ADAM22: variants seen among roughly 807,000 people sequenced by gnomAD.
ADAM22 encodes the protein ADAM metallopeptidase domain 22.
A neutral mutation model predicts 144.6 loss-of-function variants in ADAM22; 65 were observed. The ratio of observed to expected loss-of-function variants is 0.45; its 90% CI spans 0.37 to 0.55. The LOEUF is 0.55. Among genes scored for constraint, ADAM22 ranks in the 20% least tolerant of loss-of-function variants. ADAM22 has a pLI of 0.00. For synonymous variants in ADAM22, 391 were observed against 412.6 expected, an observed-to-expected ratio of 0.95 and a Z score of 0.63; for missense variants, 974 against 1,184.9, an observed-to-expected ratio of 0.82 and a Z score of 2.61.
At chr7:87,966,741 T>TTTTTTG (rs1849213466) in intron 2 of ADAM22, among the ~76,000 whole-genome samples, 1 of 138,834 alleles carries the variant, frequency 7.2e-6, no homozygotes, top group Non-Finnish European at 1.6e-5. Context: ...TTTTTTTTTT[T>TTTTTTG]TTTTTTTTTT....
intron 3 of ADAM22, among the ~76,000 whole-genome samples, chr7:88,013,063 C>T (rs971488649): frequency 2.6e-5 from 4 of 152,154 alleles, no homozygotes; most frequent in African/African-American, 9.7e-5. Context: ...ATGGGAACGC[C>T]CCCTAAGACT....
chr7:88,117,587 T>TTA (rs1828105092), intron 7 of ADAM22, among the ~76,000 whole-genome samples: 1 of 152,322 alleles, frequency 6.6e-6, no homozygotes, highest in South Asian at 2.1e-4. Flanking sequence ...CTGGACTCAT[T>TTA]TGTTTTCTTC....
In ADAM22 at chr7:88,153,210, T is replaced by G. The variant is rs773338871; in HGVS notation, c.1682-11T>G. 1 of 1,603,068 alleles carries G rather than the reference T, an allele frequency of 6.2e-7. No homozygotes were observed. Among genetic ancestry groups the G allele is most frequent in the Non-Finnish European group, 8.5e-7 (1 of 1,175,492 alleles). ...CTTCCCTCACTGATAGAAAATTTTT[T>G]TCTGCCTTAGAGGTGACAGCATCAG... On this transcript the variant is annotated splice_polypyrimidine_tract_variant and intron_variant, in intron 20 of 31. Transcript: ENST00000413139.
intron 9 of ADAM22, 115 bp from the exon 10 acceptor site, chr7:88,130,273 A>ATTT (rs200875448): frequency 6.4e-5 from 40 of 623,674 alleles, no homozygotes; most frequent in South Asian, 1.0e-4. Context: ...TACAGAAAAG[A>ATTT]TTTTTTTTTT....
At chr7:88,164,673 C>G (rs1248042481) in intron 23 of ADAM22, among the ~76,000 whole-genome samples, 1 of 151,868 alleles carries the variant, frequency 6.6e-6, no homozygotes, top group Non-Finnish European at 1.5e-5. Context: ...ATAATAGTGC[C>G]CACTTTAAAG....
At chr7:88,032,332 T>C (rs982899063) in intron 3 of ADAM22, among the ~76,000 whole-genome samples, 2 of 152,192 alleles carry the variant, frequency 1.3e-5, no homozygotes, top group African/African-American at 4.8e-5. Context: ...ATATGAAACA[T>C]GGAGTCAAAA....
chr7:87,956,240 G>T (rs1014554873), intron 2 of ADAM22, among the ~76,000 whole-genome samples: 3 of 152,146 alleles, frequency 2.0e-5, no homozygotes, highest in Non-Finnish European at 4.4e-5. Flanking sequence ...GGGAGCTGTA[G>T]ACCGGAGCTG....
intron 4 of ADAM22, among the ~76,000 whole-genome samples, chr7:88,080,822 C>G (rs1020390754): frequency 2.6e-5 from 4 of 152,158 alleles, no homozygotes; most frequent in African/African-American, 9.7e-5. Context: ...TCTGAATAGA[C>G]CAATATTGAA....
intron 4 of ADAM22, among the ~76,000 whole-genome samples, chr7:88,080,919 G>A (rs919050012): frequency 2.1e-4 from 32 of 152,120 alleles, no homozygotes; most frequent in Non-Finnish European, 3.8e-4. Flanking sequence ...GGTACAAGGA[G>A]GAACTGGTAC....
At chr7:87,965,681 T>C (rs1848897936) in intron 2 of ADAM22, among the ~76,000 whole-genome samples, 1 of 152,202 alleles carries the variant, frequency 6.6e-6, no homozygotes, top group South Asian at 2.1e-4. Context: ...CTAATGTCTA[T>C]ATAAGCAAAT....
chr7:88,035,859 T>C (rs1274988604), intron 3 of ADAM22, among the ~76,000 whole-genome samples: 1 of 152,196 alleles, frequency 6.6e-6, no homozygotes, highest in Non-Finnish European at 1.5e-5. Flanking sequence ...TGCTACCAAA[T>C]TAGTAACTAG....
At chr7:88,046,355 A>G (rs551378270) in intron 3 of ADAM22, among the ~76,000 whole-genome samples, 4 of 152,120 alleles carry the variant, frequency 2.6e-5, no homozygotes, top group African/African-American at 9.6e-5. Context: ...CCTGTTGTCC[A>G]TTTGTATATC....
At chr7:87,943,528 G>A (rs1261360197) in intron 2 of ADAM22, among the ~76,000 whole-genome samples, 1 of 152,106 alleles carries the variant, frequency 6.6e-6, no homozygotes, top group African/African-American at 2.4e-5. Flanking sequence ...ACAACATGCT[G>A]TATTTTTTAA....
intron 30 of ADAM22, among the ~76,000 whole-genome samples, chr7:88,192,488 T>G (rs1453968627): frequency 1.3e-5 from 2 of 152,184 alleles, no homozygotes; most frequent in Non-Finnish European, 2.9e-5. Flanking sequence ...AGGGACTAAT[T>G]AGACCATTTT....
chr7:88,003,874 T>G (rs1793170832), intron 3 of ADAM22, among the ~76,000 whole-genome samples: 1 of 152,210 alleles, frequency 6.6e-6, no homozygotes, highest in African/African-American at 2.4e-5. Context: ...CCAGGGAAAT[T>G]GCCCTTGCTC....
chr7:88,193,239 G>A lies in ADAM22; in HGVS notation c.2874G>A (p.Arg958=). 3.7e-6 allele frequency: 6 copies of A among 1,613,480 alleles called. No individual in the cohort carries two copies. Among genetic ancestry groups the A allele is most frequent in the Non-Finnish European group, 5.1e-6 (6 of 1,179,730 alleles). The change falls in exon 31 of 32, where the codon AGG becomes AGA. Residue 958 remains arginine, a splice_region_variant and synonymous_variant. Transcript: ENST00000413139. ...EDKKVNRQSA[R]LWETSI The stretch of plus-strand genomic sequence containing the variant: ...AGAAAGTGAACCGACAAAGTGCCAG[G>A]GTATGTGGAAACCTCTTCCATGTGC...
rs1345339370 is a variant in ADAM22 at position 88,114,667 on chromosome 7, G to A, written c.537+20G>A. 6.2e-7 allele frequency: 1 copy of A among 1,611,978 alleles called. No individual in the cohort carries two copies. The highest frequency in any genetic ancestry group is 1.1e-5 in the South Asian group (1 of 90,802). On this transcript the variant is annotated intron_variant, in intron 6 of 31. Transcript: ENST00000413139. ...ACTCAAGTAAGTGCTCCTTCTGTTTGTTGTGGCAAATGGAAATGTTTATGC... is the reference window on the plus strand; with the variant it reads ...ACTCAAGTAAGTGCTCCTTCTGTTTATTGTGGCAAATGGAAATGTTTATGC...
chr7:88,136,422 G>A (rs924418308), intron 14 of ADAM22, among the ~76,000 whole-genome samples: 1 of 152,062 alleles, frequency 6.6e-6, no homozygotes, highest in Non-Finnish European at 1.5e-5. Context: ...TTTCTGAGGT[G>A]TAAATAGTCC....
In ADAM22 at chr7:88,108,254, C is replaced by A; in HGVS notation, c.469C>A (p.Leu157Ile). ...TGTTGCATTGTCAACATGCCACGGACTTCAGTAAGTGTTCAAAAAGTTATT... is the reference window on the plus strand; with the variant it reads ...TGTTGCATTGTCAACATGCCACGGAATTCAGTAAGTGTTCAAAAAGTTATT... ...SFVALSTCHGLHGMFYDGNHT... is the reference protein window; with the variant it reads ...SFVALSTCHGIHGMFYDGNHT... Residue 157 changes from leucine (L) to isoleucine (I), a missense_variant, in exon 5 of 32, where the codon CTT becomes ATT. Transcript: ENST00000413139. The A allele has an allele frequency of 1.2e-6, 2 of 1,612,014 alleles. No homozygotes were observed. Among genetic ancestry groups the A allele is most frequent in the Non-Finnish European group, 1.7e-6 (2 of 1,179,406 alleles).
Sources: gnomAD v4.1 joint callset for allele counts (sites outside exome capture counted in the v4.1 genomes callset) on GRCh38, gnomAD v4.1.1 for gene constraint, MANE v1.5 for transcripts, NCBI Gene and HGNC (gene_info 2026-07-23, HGNC 2026-07-21) for gene names.